The following DSC3 variants were observed in gnomAD, a reference collection of about 807,000 sequenced individuals.
DSC3 encodes desmocollin 3.
DSC3 carries 97 observed loss-of-function variants against 89.5 expected under a neutral mutation model. The ratio of observed to expected loss-of-function variants is 1.08; its 90% CI spans 0.92 to 1.28. The LOEUF is 1.28. Among genes scored for constraint, DSC3 ranks in the 50% most tolerant of loss-of-function variants. The pLI is 0.00. For synonymous variants in DSC3, 436 were observed against 384.1 expected (o/e 1.14, Z -1.58); for missense variants, 1,199 against 1,085.3 (o/e 1.10, Z -1.47).
At position 31,008,064 on chromosome 18, in the gene DSC3, T is replaced by C; in HGVS notation, c.1615A>G (p.Thr539Ala). Residue 539 changes from threonine (T) to alanine (A), a missense_variant, in exon 11 of 16, where the codon ACT becomes GCT. Transcript: ENST00000360428. ...TSKILDREVE[T>A]PKNELYNITV... Reference sequence around the variant, plus strand: ...ATATTATACAACTCATTTTTGGGAGTTTCAACCTCCCTATCCAGGATTTTG... The same window carrying C: ...ATATTATACAACTCATTTTTGGGAGCTTCAACCTCCCTATCCAGGATTTTG... 6.2e-7 allele frequency: 1 copy of C among 1,613,382 alleles called. No individual in the cohort carries two copies.
intron 9 of DSC3, among the ~76,000 whole-genome samples, chr18:31,017,707 A>G (rs1422269223): frequency 2.6e-5 from 4 of 152,226 alleles, no homozygotes; most frequent in Non-Finnish European, 5.9e-5. Context: ...CAAAAGAATT[A>G]TAGCTGTTCT....
At chr18:31,036,140 T>C (rs997151684) in intron 1 of DSC3, among the ~76,000 whole-genome samples, 1 of 152,196 alleles carries the variant, frequency 6.6e-6, no homozygotes, top group African/African-American at 2.4e-5. Flanking sequence ...TTTTATTAGC[T>C]ATTGCCAAGT....
chr18:31,010,598 C>G (rs1026793661), intron 9 of DSC3, among the ~76,000 whole-genome samples: 1 of 152,178 alleles, frequency 6.6e-6, no homozygotes, highest in Non-Finnish European at 1.5e-5. Context: ...AAATTCTCTT[C>G]CACCTCAGGG....
At position 30,990,572 on chromosome 18, in the gene DSC3, G is replaced by C. The variant is rs1444632779; in HGVS notation, c.*3603C>G. The C allele has an allele frequency of 6.6e-6, 1 of 152,208 alleles. No individual in the cohort carries two copies. Among genetic ancestry groups the C allele is most frequent in the Non-Finnish European group, 1.5e-5 (1 of 68,028 alleles). The allele number at this position is 152,208 out of a possible 1,614,324, so 9.4% of individuals were successfully genotyped here. ...AACGTTTGTAGGGGAGCACACTCCT[G>C]CATGGGGAAAAGATTCACTGTGAAG... On this transcript the variant is annotated 3_prime_UTR_variant, in exon 16 of 16. Coordinates refer to ENST00000360428, the MANE Select transcript of DSC3 (RefSeq NM_001941.5).
rs1984868936 is a variant in DSC3, at chr18:31,007,009, C to T, written c.1786G>A (p.Ala596Thr). The T allele has an allele frequency of 1.2e-6, 2 of 1,613,952 alleles. No individual in the cohort carries two copies. The highest frequency in any genetic ancestry group is 1.7e-6 in the Non-Finnish European group (2 of 1,179,930). ...TGGACAGGTTCATCAGGATCAACAG[C>T]TAAAATGTCGGTATACCCCATTTTT... ...KPKMGYTDIL[A>T]VDPDEPVHGA... Residue 596 changes from alanine to threonine, a missense_variant, in exon 12 of 16, where the codon GCT becomes ACT. Coordinates refer to ENST00000360428, the MANE Select transcript of DSC3 (RefSeq NM_001941.5).
intron 6 of DSC3, 35 bp downstream of exon 6, chr18:31,024,314 A>G: frequency 6.5e-7 from 1 of 1,537,422 alleles, no homozygotes. Context: ...AGACATATTT[A>G]AAATGATTCT....
intron 15 of DSC3, among the ~76,000 whole-genome samples, 195 bp downstream of exon 15, chr18:30,996,596 A>G (rs1317165281): frequency 6.6e-6 from 1 of 152,306 alleles, no homozygotes; most frequent in South Asian, 2.1e-4. Context: ...TTATAAATTA[A>G]ATGAAATATG....
intron 9 of DSC3, among the ~76,000 whole-genome samples, chr18:31,013,590 TAAG>T (rs1407827376): frequency 5.9e-5 from 9 of 152,108 alleles, no homozygotes; most frequent in African/African-American, 1.9e-4. Context: ...AGTTAATAGA[TAAG>T]AAGAGCAAAA....
chr18:31,008,597 T>A (rs1235964071), intron 9 of DSC3, 72 bp from the exon 10 acceptor site: 31 of 1,570,038 alleles, frequency 2.0e-5, no homozygotes, highest in Non-Finnish European at 2.5e-5. Flanking sequence ...CAAGTGAACA[T>A]TTGTCATCCT....
At chr18:30,998,532 C>T (rs1984550711) in intron 14 of DSC3, among the ~76,000 whole-genome samples, 1 of 152,122 alleles carries the variant, frequency 6.6e-6, no homozygotes, top group African/African-American at 2.4e-5. Context: ...TTCTGGGAGA[C>T]ACTCCCAAAT....
rs528760662 is a variant in DSC3, at chr18:30,994,282, C to A, written c.2584G>T (p.Gly862Cys). The A allele has an allele frequency of 1.9e-4, 304 of 1,614,126 alleles. 6 individuals carry two copies. The South Asian group carries it at 3.2e-3, about 17-fold the overall frequency. ...YNYEGRGSPA[G>C]SVGCCSEKQE... is the part of the protein sequence containing the mutation. ...TTTTCACTGCAGCAGCCCACAGAAC[C>A]AGCTGGAGATCCTCTTCCCTCATAG... is the stretch of plus-strand genomic sequence containing the variant. The change falls in exon 16 of 16, where the codon GGT (glycine) becomes TGT (cysteine). Residue 862 changes from glycine (G) to cysteine (C), a missense_variant. By Grantham distance (159) the Gly-to-Cys change is radical. Coordinates refer to ENST00000360428, the MANE Select transcript of DSC3 (RefSeq NM_001941.5).
rs1454726188 is a variant in DSC3, at chr18:31,000,962, G to A, written c.2235+656C>T. 2.7e-5 allele frequency among the ~76,000 whole-genome samples: 4 copies of A among 150,608 alleles called. No homozygotes were observed. The South Asian group carries it at 6.3e-4, about 24-fold the overall frequency. On this transcript the variant is annotated intron_variant, in intron 14 of 15. Coordinates refer to ENST00000360428, the MANE Select transcript of DSC3 (RefSeq NM_001941.5). ...TCTTTTTGAGGTAAGAACATGCCTT[G>A]TAAGTACTTTTGTGTATATATATAT...
chr18:31,024,599 C>G lies in DSC3; in HGVS notation c.631-106G>C, dbSNP rs894270430. 2.1e-5 allele frequency: 27 copies of G among 1,287,824 alleles called. No individual in the cohort carries two copies. The African/African-American group carries it at 4.1e-4, about 19-fold the overall frequency. 79.8% of individuals were successfully genotyped at this position (1,287,824 alleles called of 1,614,324 possible). ...TGCAAATCTTTTCAATAATAAACTACTTTGAAGTTTTTTTATCCACTGTGT... is the reference window on the plus strand; with the variant it reads ...TGCAAATCTTTTCAATAATAAACTAGTTTGAAGTTTTTTTATCCACTGTGT... On this transcript the variant is annotated intron_variant, in intron 5 of 15. Transcript: ENST00000360428.
chr18:31,036,541 T>C (rs1445574112), intron 1 of DSC3, among the ~76,000 whole-genome samples: 6 of 152,080 alleles, frequency 3.9e-5, no homozygotes, highest in Non-Finnish European at 8.8e-5. Flanking sequence ...CTCAAAAACC[T>C]CAAAGTTCCC....
rs1206245315 is a variant in DSC3 at position 31,018,653 on chromosome 18, AT to A, written c.1077+12del. On this transcript the variant is annotated intron_variant, in intron 8 of 15. Transcript: ENST00000360428. ...AGATAAGACAGAGGCAGATTTTGATATTATATACTTACAGCATTTTGTCTGA... is the reference window on the plus strand; with the variant it reads ...AGATAAGACAGAGGCAGATTTTGATATATATACTTACAGCATTTTGTCTGA... 1.2e-6 allele frequency: 2 copies of A among 1,611,316 alleles called. No individual in the cohort carries two copies. Among genetic ancestry groups the A allele is most frequent in the African/African-American group, 2.7e-5 (2 of 74,842 alleles).
At chr18:31,018,928 T>C in intron 7 of DSC3, 128 bp from the exon 8 acceptor site, 1 of 907,794 alleles carries the variant, frequency 1.1e-6, no homozygotes. Context: ...TTACCTGATT[T>C]CCATATTTGC....
At chr18:31,004,698 T>C (rs1984779764) in intron 12 of DSC3, among the ~76,000 whole-genome samples, 1 of 150,994 alleles carries the variant, frequency 6.6e-6, no homozygotes, top group African/African-American at 2.5e-5. Flanking sequence ...TACCAATGTA[T>C]CTACAGGTAC....
intron 1 of DSC3, among the ~76,000 whole-genome samples, chr18:31,038,210 A>G (rs971525181): frequency 2.1e-4 from 32 of 152,234 alleles, no homozygotes; most frequent in Non-Finnish European, 4.1e-4. Context: ...TACGATCCTC[A>G]TAAAATGAGT....
At chr18:31,017,817 A>T (rs1054246498) in intron 9 of DSC3, among the ~76,000 whole-genome samples, 7 of 152,164 alleles carry the variant, frequency 4.6e-5, no homozygotes, top group Non-Finnish European at 8.8e-5. Context: ...AAAGCATTTC[A>T]AATGTGGGAT....
Sources: gnomAD v4.1 joint callset for allele counts (sites outside exome capture counted in the v4.1 genomes callset) on GRCh38, gnomAD v4.1.1 for gene constraint, MANE v1.5 for transcripts, NCBI Gene and HGNC (gene_info 2026-07-23, HGNC 2026-07-21) for gene names.